Variants in STXBP6 observed in about 807,000 individuals in gnomAD.
STXBP6 encodes syntaxin binding protein 6.
Under a neutral mutation model 26.9 loss-of-function variants are expected in STXBP6, and 21 were observed. That is an observed-to-expected ratio of 0.78 (90% CI 0.55 to 1.12). The LOEUF (loss-of-function observed/expected upper bound fraction) is 1.12. Among genes scored for constraint, STXBP6 ranks in the 50% most tolerant of loss-of-function variants. STXBP6 has a pLI of 0.00. For missense variants in STXBP6, 232 were observed against 257.9 expected, an observed-to-expected ratio of 0.90 and a Z score of 0.69; for synonymous variants, 97 against 92.6, an observed-to-expected ratio of 1.05 and a Z score of -0.27.
intron 1 of STXBP6, among the ~76,000 whole-genome samples, chr14:25,032,942 T>G (rs1027033719): frequency 2.6e-5 from 4 of 152,230 alleles, no homozygotes; most frequent in African/African-American, 4.8e-5. Context: ...ACTACAACTA[T>G]GAATCTTTTC....
At chr14:24,910,401 T>C (rs1174919720) in intron 2 of STXBP6, among the ~76,000 whole-genome samples, 1 of 152,252 alleles carries the variant, frequency 6.6e-6, no homozygotes, top group African/African-American at 2.4e-5. Flanking sequence ...TTGCCTGGTA[T>C]CCCTGCAGCC....
rs77099510 is a variant in STXBP6, at chr14:25,020,820, C to A, written c.-33+29058G>T. On this transcript the variant is annotated intron_variant, in intron 1 of 5. Transcript: ENST00000323944. ...ATAGCACTGCTGCAAAATGCCCTAA[C>A]TTGCCTTGCTCAACCTCCCTTTGTC... Among the ~76,000 whole-genome samples the A allele has an allele frequency of 4.6e-3, 700 of 152,286 alleles. 5 individuals carry two copies. Among genetic ancestry groups the A allele is most frequent in the African/African-American group, 0.016 (666 of 41,554 alleles).
intron 1 of STXBP6, among the ~76,000 whole-genome samples, chr14:25,026,238 A>T (rs759319626): frequency 9.2e-5 from 14 of 152,200 alleles, no homozygotes; most frequent in Non-Finnish European, 2.1e-4. Flanking sequence ...GTGACAGGCA[A>T]GGGAGATACT....
intron 2 of STXBP6, among the ~76,000 whole-genome samples, chr14:24,953,200 T>C (rs1466202096): frequency 6.6e-6 from 1 of 152,174 alleles, no homozygotes; most frequent in Non-Finnish European, 1.5e-5. Context: ...TCCCTGTGTG[T>C]CTCATCTCCC....
At chr14:24,890,357 T>A (rs1383127989) in intron 2 of STXBP6, among the ~76,000 whole-genome samples, 1 of 152,228 alleles carries the variant, frequency 6.6e-6, no homozygotes, top group Non-Finnish European at 1.5e-5. Context: ...GGATGTGGGA[T>A]AATTCACAAT....
chr14:24,859,063 A>G (rs2069441901), intron 2 of STXBP6, among the ~76,000 whole-genome samples: 1 of 152,192 alleles, frequency 6.6e-6, no homozygotes, highest in Non-Finnish European at 1.5e-5. Flanking sequence ...ACACAACTCG[A>G]GATCACTGTA....
At chr14:25,023,531 C>A (rs909953662) in intron 1 of STXBP6, among the ~76,000 whole-genome samples, 3 of 152,122 alleles carry the variant, frequency 2.0e-5, no homozygotes, top group Non-Finnish European at 4.4e-5. Context: ...GCTTTTGTGG[C>A]TGGGCGGTGG....
chr14:24,875,444 A>G (rs1197899645), intron 2 of STXBP6, among the ~76,000 whole-genome samples: 1 of 152,028 alleles, frequency 6.6e-6, no homozygotes, highest in Non-Finnish European at 1.5e-5. Context: ...AGAATCTTCA[A>G]CTCTTTATGT....
chr14:24,861,667 C>T (rs143674523), intron 2 of STXBP6, among the ~76,000 whole-genome samples: 46 of 150,734 alleles, frequency 3.1e-4, no homozygotes, highest in Admixed American at 7.2e-4. Context: ...AGGTTGTTAC[C>T]TTAAATGCTT....
Position 25,049,767 on chromosome 14 carries a change from C to A in STXBP6, c.-33+111G>T. The A allele has an allele frequency of 1.0e-6, 1 of 985,556 alleles. No individual in the cohort carries two copies. Among genetic ancestry groups the A allele is most frequent in the Non-Finnish European group, 1.2e-6 (1 of 830,048 alleles). 61.1% of individuals were successfully genotyped at this position (985,556 alleles called of 1,614,324 possible). A position where few individuals can be genotyped will look rare whatever the true frequency, so the allele number is the denominator to read the frequency against. On this transcript the variant is annotated intron_variant, in intron 1 of 5. Coordinates refer to ENST00000323944, the MANE Select transcript of STXBP6 (RefSeq NM_001394410.1). The surrounding 1 kb of genome is among the most constrained non-coding windows in gnomAD (Gnocchi z 5.6). ...CTGCCTACTCCCCTGGCCTCACAGC[C>A]ACCCGCCTCGGACGGAGCGCCAGGC... is the stretch of plus-strand genomic sequence containing the variant.
intron 2 of STXBP6, chr14:24,878,943 T>C (rs2070250821): frequency 4.0e-6 from 1 of 250,754 alleles, no homozygotes; most frequent in Admixed American, 3.9e-5. Flanking sequence ...AAAGTTCTCA[T>C]TATACAGTGT....
chr14:24,986,227 C>A (rs139888197), intron 1 of STXBP6, among the ~76,000 whole-genome samples: 1 of 152,270 alleles, frequency 6.6e-6, no homozygotes, highest in African/African-American at 2.4e-5. Context: ...TGGCTATCAC[C>A]TTTTTCCCCT....
intron 2 of STXBP6, among the ~76,000 whole-genome samples, chr14:24,875,950 G>A (rs1358254852): frequency 6.6e-6 from 1 of 152,094 alleles, no homozygotes; most frequent in African/African-American, 2.4e-5. Flanking sequence ...GGCAGGATAT[G>A]ATAAATACGG....
intron 1 of STXBP6, among the ~76,000 whole-genome samples, chr14:25,015,784 A>T (rs2075134752): frequency 6.8e-6 from 1 of 148,110 alleles, no homozygotes; most frequent in Non-Finnish European, 1.5e-5. Context: ...TTATTAAATT[A>T]ACAAACAACA....
Position 24,981,299 on chromosome 14 carries a change from G to A in STXBP6, c.-32-6449C>T, listed in dbSNP as rs559487437. ...GAGTATTTTTTTTTTTTGAGGCAGA[G>A]TCTCACTGTTGCCCAGGCTGGGGTG... On this transcript the variant is annotated intron_variant, in intron 1 of 5. Transcript: ENST00000323944. Among the ~76,000 whole-genome samples, 12 of 151,704 alleles carry A rather than the reference G, an allele frequency of 7.9e-5. No homozygotes were observed. In the East Asian group the frequency reaches 2.3e-3, roughly 29 times the overall value.
chr14:24,933,358 A>G (rs1203009243), intron 2 of STXBP6, among the ~76,000 whole-genome samples: 1 of 152,186 alleles, frequency 6.6e-6, no homozygotes, highest in African/African-American at 2.4e-5. Context: ...GTAAAATAAA[A>G]TAAAGTCACA....
At chr14:25,040,293 A>C (rs547217740) in intron 1 of STXBP6, among the ~76,000 whole-genome samples, 1 of 152,314 alleles carries the variant, frequency 6.6e-6, no homozygotes, top group South Asian at 2.1e-4. Flanking sequence ...GCAGAGGACA[A>C]GGGAGGTGGT....
chr14:24,844,257 C>G (rs1566402898), intron 4 of STXBP6, among the ~76,000 whole-genome samples: 1 of 152,224 alleles, frequency 6.6e-6, no homozygotes, highest in Non-Finnish European at 1.5e-5. Context: ...ATCTCTTCAT[C>G]TGGCTGTTCA....
chr14:24,896,729 G>C (rs1283827433), intron 2 of STXBP6, among the ~76,000 whole-genome samples: 1 of 152,148 alleles, frequency 6.6e-6, no homozygotes, highest in Non-Finnish European at 1.5e-5. Flanking sequence ...CTCAGACTGG[G>C]AACTTGGAAG....
Sources: gnomAD v4.1 joint callset for allele counts (sites outside exome capture counted in the v4.1 genomes callset) on GRCh38, gnomAD v4.1.1 for gene constraint, Gnocchi (gnomAD v3.1) non-coding constraint, MANE v1.5 for transcripts, NCBI Gene and HGNC (gene_info 2026-07-23, HGNC 2026-07-21) for gene names.